Variants in HNF4A observed in about 807,000 individuals in gnomAD.
HNF4A encodes hepatocyte nuclear factor 4 alpha.
A neutral mutation model predicts 52.4 loss-of-function variants in HNF4A; 15 were observed. The ratio of observed to expected loss-of-function variants is 0.29; its 90% CI spans 0.19 to 0.44. HNF4A has a LOEUF of 0.44. HNF4A is among the 20% of genes least tolerant of loss of function. The pLI is 1.00. For synonymous variants in HNF4A, 280 were observed against 264.4 expected (o/e 1.06, Z -0.57); for missense variants, 479 against 647.2 (o/e 0.74, Z 2.82).
At chr20:44,406,327 C>G (rs1037389995) in intron 2 of HNF4A, 95 bp downstream of exon 2, 3 of 1,128,902 alleles carry the variant, frequency 2.7e-6, no homozygotes, top group African/African-American at 3.1e-5. Context: ...GTCCCAGAGA[C>G]AGCTGCCCTT....
At chr20:44,423,621 C>T (rs2063777139) in intron 7 of HNF4A, among the ~76,000 whole-genome samples, 1 of 152,196 alleles carries the variant, frequency 6.6e-6, no homozygotes, top group Non-Finnish European at 1.5e-5. Context: ...TCAACTGTGG[C>T]CCAAAACCCC....
chr20:44,364,527 G>GC (rs1259413090), intron 1 of HNF4A, among the ~76,000 whole-genome samples: 4 of 151,826 alleles, frequency 2.6e-5, no homozygotes, highest in Admixed American at 2.6e-4. Flanking sequence ...CTGGAGTGCA[G>GC]CGGCACGATC....
At chr20:44,428,874 G>A (rs2063842924) in intron 9 of HNF4A, among the ~76,000 whole-genome samples, 2 of 152,110 alleles carry the variant, frequency 1.3e-5, no homozygotes, top group Non-Finnish European at 2.9e-5. Flanking sequence ...ATGTCTGCTG[G>A]GCTAGACCAT....
At chr20:44,421,006 A>AT (rs1347459212) in intron 7 of HNF4A, among the ~76,000 whole-genome samples, 1 of 152,148 alleles carries the variant, frequency 6.6e-6, no homozygotes, top group African/African-American at 2.4e-5. Context: ...TGATGCATCC[A>AT]TTTTGGATCA....
chr20:44,376,375 A>G (rs6065725), intron 1 of HNF4A, among the ~76,000 whole-genome samples: 110,046 of 152,142 alleles, frequency 0.72, 40,083 homozygotes, highest in East Asian at 0.87. Flanking sequence ...ATACTACCAA[A>G]TTGTCTGTCG....
intron 6 of HNF4A, 50 bp downstream of exon 6, chr20:44,418,562 C>A (rs752171449): frequency 5.9e-6 from 8 of 1,360,248 alleles, no homozygotes; most frequent in Non-Finnish European, 6.3e-6. Context: ...GTATGCCTAG[C>A]ATGGCACTCA....
chr20:44,381,722 T>A (rs2063156544), intron 1 of HNF4A, among the ~76,000 whole-genome samples: 1 of 152,178 alleles, frequency 6.6e-6, no homozygotes, highest in Admixed American at 6.5e-5. Flanking sequence ...GTGATTCTTG[T>A]GCCTCAGCCT....
intron 3 of HNF4A, among the ~76,000 whole-genome samples, chr20:44,411,021 C>G (rs1267659166): frequency 6.6e-6 from 1 of 152,134 alleles, no homozygotes; most frequent in African/African-American, 2.4e-5. Context: ...GGTCAGTGGG[C>G]CAACAGCAGG....
intron 1 of HNF4A, among the ~76,000 whole-genome samples, chr20:44,376,258 C>T (rs945487415): frequency 6.6e-6 from 1 of 152,114 alleles, no homozygotes; most frequent in Admixed American, 6.6e-5. Flanking sequence ...GACTGAGACT[C>T]TGTCTCAAAG....
intron 1 of HNF4A, among the ~76,000 whole-genome samples, chr20:44,379,664 G>A (rs953280274): frequency 6.6e-6 from 1 of 151,212 alleles, no homozygotes; most frequent in African/African-American, 2.4e-5. Context: ...CGATTCTCCT[G>A]CTTCAGCCTC....
intron 7 of HNF4A, among the ~76,000 whole-genome samples, chr20:44,421,227 T>G (rs1037215147): frequency 5.9e-5 from 9 of 152,294 alleles, no homozygotes; most frequent in Admixed American, 3.3e-4. Flanking sequence ...ATTCCTACCC[T>G]CTCCTGTGGC....
chr20:44,393,124 G>A (rs2063320051), intron 1 of HNF4A, among the ~76,000 whole-genome samples: 1 of 152,214 alleles, frequency 6.6e-6, no homozygotes, highest in African/African-American at 2.4e-5. Context: ...CCCCAAACCA[G>A]AGTCTGGGTC....
intron 3 of HNF4A, among the ~76,000 whole-genome samples, chr20:44,412,473 G>A (rs1057114085): frequency 9.2e-5 from 14 of 152,148 alleles, no homozygotes; most frequent in Non-Finnish European, 2.1e-4. Context: ...GCGTCCAGGT[G>A]GGGAGGCGGG....
At chr20:44,394,428 G>A (rs536091599) in intron 1 of HNF4A, among the ~76,000 whole-genome samples, 35 of 152,246 alleles carry the variant, frequency 2.3e-4, no homozygotes, top group African/African-American at 8.4e-4. Context: ...AAAGGGAGTC[G>A]CTGGTTGAAG....
Position 44,413,050 on chromosome 20 carries a change from T to C in HNF4A, c.386-644T>C, listed in dbSNP as rs372307636. 3.3e-5 allele frequency among the ~76,000 whole-genome samples: 5 copies of C among 152,148 alleles called. No homozygotes were observed. In the South Asian group the frequency reaches 8.3e-4, roughly 25 times the overall value. On this transcript the variant is annotated intron_variant, in intron 3 of 9. Transcript: ENST00000316099. ...TCGGGATGGTGGAAGGATCATCTTCTATCTCAGGCCAGGACTGACCCAGAT... is the reference window on the plus strand; with the variant it reads ...TCGGGATGGTGGAAGGATCATCTTCCATCTCAGGCCAGGACTGACCCAGAT...
intron 1 of HNF4A, among the ~76,000 whole-genome samples, chr20:44,368,796 G>C (rs2063000047): frequency 6.6e-6 from 1 of 152,174 alleles, no homozygotes; most frequent in Admixed American, 6.5e-5. Context: ...AGCCATAATA[G>C]TAATGTGGTT....
intron 1 of HNF4A, among the ~76,000 whole-genome samples, chr20:44,356,848 G>A (rs750673606): frequency 2.6e-5 from 4 of 152,092 alleles, no homozygotes; most frequent in Admixed American, 1.3e-4. Flanking sequence ...TCACACACCC[G>A]CACAGAACTT....
At chr20:44,386,139 C>T (rs2063219980) in intron 1 of HNF4A, among the ~76,000 whole-genome samples, 1 of 151,108 alleles carries the variant, frequency 6.6e-6, no homozygotes, top group East Asian at 2.0e-4. Context: ...GCGTGAGCCA[C>T]CGTGCCCAGC....
At chr20:44,398,918 A>G (rs2063377491), upstream of HNF4A, among the ~76,000 whole-genome samples, 1 of 152,226 alleles carries the variant, frequency 6.6e-6, no homozygotes, top group Admixed American at 6.5e-5. Context: ...AGCAATGTGG[A>G]ACTGTGCCTC....
Sources: allele counts gnomAD v4.1 joint callset (sites outside exome capture counted in the v4.1 genomes callset), GRCh38; gene constraint gnomAD v4.1.1; transcripts MANE v1.5; gene names NCBI Gene and HGNC (gene_info 2026-07-23, HGNC 2026-07-21).